DOCK1: variants seen among roughly 807,000 people sequenced by gnomAD.
The protein encoded by DOCK1 is dedicator of cytokinesis protein 1.
DOCK1 carries 138 observed loss-of-function variants against 262.7 expected under a neutral mutation model. The observed-to-expected ratio is 0.53, with a 90% confidence interval of 0.46 to 0.61. The LOEUF (loss-of-function observed/expected upper bound fraction) is 0.61. Ranked by LOEUF, DOCK1 falls within the 20% of genes least tolerant of loss-of-function variation. DOCK1 has a pLI of 0.00. For synonymous variants in DOCK1, 866 were observed against 867.4 expected (o/e 1.00, Z 0.03); for missense variants, 1,908 against 2,370.7 (o/e 0.80, Z 4.05).
chr10:126,990,672 G>A, intron 6 of DOCK1, 69 bp downstream of exon 6: 3 of 1,513,782 alleles, frequency 2.0e-6, no homozygotes, highest in Non-Finnish European at 2.7e-6. Context: ...TAAGTCTTCA[G>A]GAGACCAAGA....
intron 1 of DOCK1, among the ~76,000 whole-genome samples, chr10:126,907,477 G>C (rs6597828): frequency 0.99 from 150,907 of 152,206 alleles, 74,831 homozygotes; most frequent in East Asian, 1. Flanking sequence ...CTTGCCTGAG[G>C]TCACATCACC....
At chr10:127,221,852 T>C (rs1483402164) in intron 27 of DOCK1, among the ~76,000 whole-genome samples, 1 of 152,246 alleles carries the variant, frequency 6.6e-6, no homozygotes, top group East Asian at 1.9e-4. Context: ...CTTAATTTAA[T>C]GGAATGCCTT....
chr10:127,221,836 T>G (rs1054135551), intron 27 of DOCK1, among the ~76,000 whole-genome samples: 1 of 152,214 alleles, frequency 6.6e-6, no homozygotes, highest in African/African-American at 2.4e-5. Flanking sequence ...TTTCTTCATT[T>G]ATTTCCTTAA....
chr10:127,395,785 CCA>C (rs10573470), intron 38 of DOCK1, among the ~76,000 whole-genome samples: 37,809 of 152,016 alleles, frequency 0.25, 5,430 homozygotes, highest in Middle Eastern at 0.35. Flanking sequence ...TTAGCAGATT[CCA>C]CAGTGTCAAA....
chr10:127,410,741 C>A, intron 42 of DOCK1, 99 bp from the exon 43 acceptor site: 2 of 1,039,484 alleles, frequency 1.9e-6, no homozygotes, highest in Non-Finnish European at 2.8e-6. Flanking sequence ...GGACATTTTA[C>A]AGGAGGCAGT....
At chr10:127,044,104 C>T (rs551950900) in intron 21 of DOCK1, among the ~76,000 whole-genome samples, 3 of 152,228 alleles carry the variant, frequency 2.0e-5, no homozygotes, top group African/African-American at 7.2e-5. Context: ...TCTTTAAGAA[C>T]ATCCCGCTTA....
chr10:126,953,003 T>G (rs1461667055), intron 1 of DOCK1, among the ~76,000 whole-genome samples: 3 of 151,700 alleles, frequency 2.0e-5, no homozygotes, highest in Non-Finnish European at 2.9e-5. Flanking sequence ...TGATGTAGTG[T>G]TGGTGGTGGT....
chr10:127,107,671 C>A (rs560411062), intron 24 of DOCK1, among the ~76,000 whole-genome samples: 3 of 152,286 alleles, frequency 2.0e-5, no homozygotes, highest in Non-Finnish European at 4.4e-5. Context: ...TTGGCTTCCT[C>A]CCCAGACCTT....
chr10:127,348,885 T>C (rs1211584221), intron 31 of DOCK1, among the ~76,000 whole-genome samples: 1 of 152,202 alleles, frequency 6.6e-6, no homozygotes, highest in Non-Finnish European at 1.5e-5. Flanking sequence ...ATATTCCTGA[T>C]TATAACAGGA....
chr10:127,164,550 C>T (rs1006094685), intron 27 of DOCK1, among the ~76,000 whole-genome samples: 2 of 152,104 alleles, frequency 1.3e-5, no homozygotes, highest in African/African-American at 2.4e-5. Context: ...TCCTTTTTCA[C>T]AGAGCCATCA....
rs183703721 is a variant in DOCK1 at position 127,294,734 on chromosome 10, C to T, written c.3044+37305C>T. Among the ~76,000 whole-genome samples the T allele has an allele frequency of 3.2e-3, 482 of 151,938 alleles. 1 individual carries two copies. The highest frequency in any genetic ancestry group is 0.01 in the Middle Eastern group (3 of 290). On this transcript the variant is annotated intron_variant, in intron 29 of 51. Transcript: ENST00000623213. Reference sequence around the variant, plus strand: ...CGTGATCTCGGATCACTGCAACCTCCGCCTCCCTGGTTCAAGTGATTGTCC... The same window carrying T: ...CGTGATCTCGGATCACTGCAACCTCTGCCTCCCTGGTTCAAGTGATTGTCC...
At chr10:127,071,236 G>C (rs1006350329) in intron 23 of DOCK1, among the ~76,000 whole-genome samples, 6 of 152,170 alleles carry the variant, frequency 3.9e-5, no homozygotes, top group Non-Finnish European at 7.3e-5. Flanking sequence ...AACTCACCAG[G>C]TGCTGCAGCA....
chr10:127,300,702 T>G (rs1447738927), intron 29 of DOCK1, among the ~76,000 whole-genome samples: 1 of 152,228 alleles, frequency 6.6e-6, no homozygotes, highest in Non-Finnish European at 1.5e-5. Context: ...TTGGGCCTTT[T>G]TCCCTCTTAG....
intron 38 of DOCK1, among the ~76,000 whole-genome samples, chr10:127,397,111 G>A (rs1454673220): frequency 6.9e-6 from 1 of 145,816 alleles, no homozygotes; most frequent in East Asian, 2.0e-4. Flanking sequence ...CAGTTACACG[G>A]GCGGTGTCTC....
chr10:127,390,853 C>T (rs554082909), intron 38 of DOCK1, among the ~76,000 whole-genome samples: 5 of 152,308 alleles, frequency 3.3e-5, no homozygotes, highest in Middle Eastern at 3.4e-3. Context: ...TAATTTTACT[C>T]TTTAAAAGGT....
In DOCK1 at chr10:127,293,524, G is replaced by C. The variant is rs550131925; in HGVS notation, c.3044+36095G>C. Reference sequence around the variant, plus strand: ...TCCTGGTCCCTTCCCAGCGAGCACTGTGATGGCTTTGCCATTGAGGTGGAT... The same window carrying C: ...TCCTGGTCCCTTCCCAGCGAGCACTCTGATGGCTTTGCCATTGAGGTGGAT... On this transcript the variant is annotated intron_variant, in intron 29 of 51. Transcript: ENST00000623213. Among the ~76,000 whole-genome samples, 3 of 152,310 alleles carry C rather than the reference G, an allele frequency of 2.0e-5. No individual in the cohort carries two copies. The East Asian group carries it at 5.8e-4, about 30-fold the overall frequency.
intron 12 of DOCK1, among the ~76,000 whole-genome samples, chr10:127,013,240 CA>C (rs1446323583): frequency 2.6e-5 from 4 of 152,098 alleles, no homozygotes; most frequent in Non-Finnish European, 5.9e-5. Flanking sequence ...AGTAGCAGGA[CA>C]AAAACCCCAA....
intron 29 of DOCK1, among the ~76,000 whole-genome samples, chr10:127,267,596 C>T (rs539385052): frequency 6.6e-6 from 1 of 152,292 alleles, no homozygotes; most frequent in Non-Finnish European, 1.5e-5. Context: ...AGGGCAAAGT[C>T]TGTTTAAGAA....
intron 23 of DOCK1, among the ~76,000 whole-genome samples, chr10:127,076,353 T>C (rs1275782442): frequency 6.6e-6 from 1 of 151,974 alleles, no homozygotes; most frequent in African/African-American, 2.4e-5. Flanking sequence ...TACAAAAAAT[T>C]AGCTAGGCGT....
Sources: allele counts gnomAD v4.1 joint callset (sites outside exome capture counted in the v4.1 genomes callset), GRCh38; gene constraint gnomAD v4.1.1; transcripts MANE v1.5; gene names NCBI Gene and HGNC (gene_info 2026-07-23, HGNC 2026-07-21).